The following DYNAP variants were observed in gnomAD, a reference collection of about 807,000 sequenced individuals.
DYNAP encodes dynactin associated protein.
A neutral mutation model predicts 8.5 loss-of-function variants in DYNAP; 7 were observed. The observed-to-expected ratio is 0.82, with a 90% CI of 0.47 to 1.54. DYNAP has a LOEUF of 1.54. Among genes scored for constraint, DYNAP ranks in the 40% most tolerant of loss-of-function variants. The pLI is 0.01. For synonymous variants in DYNAP, 77 were observed against 77.9 expected, an observed-to-expected ratio of 0.99 and a Z score of 0.06; for missense variants, 256 against 224.3, an observed-to-expected ratio of 1.14 and a Z score of -0.90.
At chr18:54,591,140 T>G, upstream of DYNAP, 1 of 1,447,984 alleles carries the variant, frequency 6.9e-7, no homozygotes, top group Non-Finnish European at 9.2e-7. Flanking sequence ...ATAATTAGTA[T>G]TTAGTTTAAT....
chr18:54,576,851 T>A, the DYNAP span, among the ~76,000 whole-genome samples: 1 of 151,704 alleles, frequency 6.6e-6, no homozygotes, highest in Non-Finnish European at 1.5e-5. Flanking sequence ...CAAAAAAACC[T>A]ACAAAAACAA....
At chr18:54,586,967 A>G (rs1414658913), upstream of DYNAP, among the ~76,000 whole-genome samples, 1 of 152,130 alleles carries the variant, frequency 6.6e-6, no homozygotes, top group Non-Finnish European at 1.5e-5. Flanking sequence ...TTCTTTTTTC[A>G]AATATACTTT....
upstream of DYNAP, among the ~76,000 whole-genome samples, chr18:54,583,404 A>G (rs1397390264): frequency 6.6e-6 from 1 of 152,172 alleles, no homozygotes; most frequent in Non-Finnish European, 1.5e-5. Flanking sequence ...GAGTTTATAA[A>G]TCTCATGGGA....
At chr18:54,584,587 A>G (rs1320616632), upstream of DYNAP, among the ~76,000 whole-genome samples, 1 of 152,190 alleles carries the variant, frequency 6.6e-6, no homozygotes, top group African/African-American at 2.4e-5. Context: ...TGTAAACTAT[A>G]CTATATATTT....
chr18:54,598,085 A>T lies in DYNAP; in HGVS notation c.495A>T (p.Thr165=), dbSNP rs201863387. The T allele has an allele frequency of 1.2e-6, 2 of 1,612,912 alleles. No individual in the cohort carries two copies. The highest frequency in any genetic ancestry group is 2.2e-5 in the East Asian group (1 of 44,834). ...ASTATESTTS[T]ATAATTSTEP... is the part of the protein sequence containing the mutation. ...CAGCCACTGAATCTACAACTTCAACAGCTACAGCTGCCACCACTTCCACAG... is the reference window on the plus strand; with the variant it reads ...CAGCCACTGAATCTACAACTTCAACTGCTACAGCTGCCACCACTTCCACAG... Residue 165 remains threonine (T), a synonymous_variant, in exon 3 of 3, where the codon ACA becomes ACT. Coordinates refer to ENST00000648945, the MANE Select transcript of DYNAP (RefSeq NM_173629.3).
the DYNAP span, among the ~76,000 whole-genome samples, chr18:54,577,752 A>G: frequency 7.2e-5 from 11 of 151,886 alleles, no homozygotes; most frequent in Admixed American, 4.6e-4. Flanking sequence ...GGCAGATCAC[A>G]AAGTCAGAAG....
Position 54,598,108 on chromosome 18 carries a change from C to T in DYNAP, c.518C>T (p.Thr173Ile), listed in dbSNP as rs769788647. ...ACAGCTACAGCTGCCACCACTTCCA[C>T]AGAACCTATAACTGTTGCACCTACC... ...TSTATAATTS[T>I]EPITVAPTDH... The change falls in exon 3 of 3, where the codon ACA (threonine) becomes ATA (isoleucine). Residue 173 changes from threonine to isoleucine, a missense_variant. Physicochemically the swap from Thr to Ile is moderately conservative, Grantham distance 89 (BLOSUM62 -1). Transcript: ENST00000648945. The T allele has an allele frequency of 1.9e-6, 3 of 1,613,114 alleles. No homozygotes were observed. The highest frequency in any genetic ancestry group is 2.2e-5 in the East Asian group (1 of 44,836).
the DYNAP span, among the ~76,000 whole-genome samples, chr18:54,576,055 T>G: frequency 6.6e-6 from 1 of 152,248 alleles, no homozygotes; most frequent in South Asian, 2.1e-4. Context: ...TGCAACATGT[T>G]GCTGCTTGTA....
At chr18:54,593,017 A>G (rs1433106139) in intron 1 of DYNAP, among the ~76,000 whole-genome samples, 1 of 152,202 alleles carries the variant, frequency 6.6e-6, no homozygotes, top group African/African-American at 2.4e-5. Flanking sequence ...AAGCAAGGGT[A>G]TTAACAAAGA....
At chr18:54,590,680 A>T (rs1449739890), upstream of DYNAP, among the ~76,000 whole-genome samples, 1 of 152,164 alleles carries the variant, frequency 6.6e-6, no homozygotes, top group East Asian at 1.9e-4. Context: ...TGACCAAAAT[A>T]AAAAAACCCT....
At chr18:54,577,569 C>A in the DYNAP span, among the ~76,000 whole-genome samples, 461 of 141,562 alleles carry the variant, frequency 3.3e-3, 1 homozygote, top group Non-Finnish European at 5.5e-3. Context: ...CAGTGTAAGA[C>A]CTTATCTAAA....
At chr18:54,579,665 G>T in the DYNAP span, among the ~76,000 whole-genome samples, 1 of 152,162 alleles carries the variant, frequency 6.6e-6, no homozygotes, top group South Asian at 2.1e-4. Flanking sequence ...TTGAATGGTT[G>T]AACATCAAGA....
At chr18:54,577,778 C>T in the DYNAP span, among the ~76,000 whole-genome samples, 2 of 151,422 alleles carry the variant, frequency 1.3e-5, no homozygotes, top group Non-Finnish European at 2.9e-5. Flanking sequence ...GACCAGCTGG[C>T]CAATATGGTG....
At chr18:54,584,861 GC>G (rs1254747854), upstream of DYNAP, among the ~76,000 whole-genome samples, 2 of 152,144 alleles carry the variant, frequency 1.3e-5, no homozygotes, top group African/African-American at 2.4e-5. Context: ...AAATGGTGTG[GC>G]TGGGGCATGG....
chr18:54,597,927 A>G lies in DYNAP; in HGVS notation c.337A>G (p.Lys113Glu). ...GVLIICLVNN[K>E]GSANSSIVIQ... ...ACTTATAATATGCTTGGTGAATAAC[A>G]AAGGATCGGCCAATTCCTCCATTGT... Residue 113 changes from lysine to glutamate, a missense_variant, in exon 3 of 3, where the codon AAA (lysine) becomes GAA (glutamate). Transcript: ENST00000648945. 1 of 1,613,674 alleles carries G rather than the reference A, an allele frequency of 6.2e-7. No individual in the cohort carries two copies. The highest frequency in any genetic ancestry group is 8.5e-7 in the Non-Finnish European group (1 of 1,179,774).
At chr18:54,577,945 C>T in the DYNAP span, among the ~76,000 whole-genome samples, 95 of 130,938 alleles carry the variant, frequency 7.3e-4, 1 homozygote, top group African/African-American at 2.8e-3. Context: ...GCCTGGGTGA[C>T]AGAGCCAGAC....
upstream of DYNAP, among the ~76,000 whole-genome samples, chr18:54,584,135 A>G (rs1285967392): frequency 6.6e-6 from 1 of 151,918 alleles, no homozygotes; most frequent in Admixed American, 6.6e-5. Context: ...GTGAATATTC[A>G]TACAACTTTG....
chr18:54,580,785 A>C, the DYNAP span, among the ~76,000 whole-genome samples: 9 of 152,330 alleles, frequency 5.9e-5, no homozygotes, highest in Non-Finnish European at 1.2e-4. Flanking sequence ...GCCCATTTCC[A>C]AGCACCAGCG....
intron 2 of DYNAP, among the ~76,000 whole-genome samples, chr18:54,597,372 A>G (rs1317052652): frequency 3.9e-5 from 6 of 152,104 alleles, no homozygotes. Flanking sequence ...AACAAGAGTG[A>G]ACCCTAAAGT....
Sources: allele counts gnomAD v4.1 joint callset (sites outside exome capture counted in the v4.1 genomes callset), GRCh38; gene constraint gnomAD v4.1.1; transcripts MANE v1.5; gene names NCBI Gene and HGNC (gene_info 2026-07-23, HGNC 2026-07-21).